The following ANO1 variants were observed in gnomAD, a reference collection of about 807,000 sequenced individuals.
ANO1 encodes the protein anoctamin-1.
Under a neutral mutation model 124.0 loss-of-function variants are expected in ANO1, and 59 were observed. That is an observed-to-expected ratio of 0.48 (90% CI 0.39 to 0.59). ANO1 has a LOEUF of 0.59. Ranked by LOEUF, ANO1 falls within the 20% of genes least tolerant of loss-of-function variation. The pLI, the probability that ANO1 is intolerant of heterozygous loss-of-function variation, is 0.00. For synonymous variants in ANO1, 529 were observed against 532.0 expected, an observed-to-expected ratio of 0.99 and a Z score of 0.08; for missense variants, 1,059 against 1,328.0, an observed-to-expected ratio of 0.80 and a Z score of 3.15.
chr11:70,128,013 GT>G lies in ANO1; in HGVS notation c.1097+1821del, dbSNP rs1303772557. ...CAAGTATCTCTAAAGCAGAGGTATA[GT>G]TTAGAAAATGTATCCACTGAGCCTG... On this transcript the variant is annotated intron_variant, in intron 10 of 25. Coordinates refer to ENST00000355303, the MANE Select transcript of ANO1 (RefSeq NM_018043.7). Among the ~76,000 whole-genome samples the G allele has an allele frequency of 3.3e-5, 5 of 152,304 alleles. No homozygotes were observed. The East Asian group carries it at 9.6e-4, about 29-fold the overall frequency.
intron 2 of ANO1, among the ~76,000 whole-genome samples, chr11:70,099,969 C>A (rs151021122): frequency 2.0e-5 from 3 of 152,288 alleles, no homozygotes; most frequent in Non-Finnish European, 2.9e-5. Flanking sequence ...CCTGGCACTG[C>A]CTCCTCCAGT....
intron 22 of ANO1, among the ~76,000 whole-genome samples, chr11:70,179,538 A>C (rs1199037518): frequency 6.6e-6 from 1 of 152,198 alleles, no homozygotes; most frequent in African/African-American, 2.4e-5. Context: ...TTCAACCTTC[A>C]CTGCTGTGGA....
intron 6 of ANO1, chr11:70,111,125 G>C (rs1210054351): frequency 1.5e-5 from 7 of 456,782 alleles, no homozygotes; most frequent in Middle Eastern, 3.3e-4. Context: ...TGTATAAACA[G>C]GGCAAGGCGA....
chr11:70,073,419 G>A (rs1040959546), upstream of ANO1, among the ~76,000 whole-genome samples: 7 of 152,308 alleles, frequency 4.6e-5, no homozygotes, highest in South Asian at 4.1e-4. Context: ...CCCTAACCGC[G>A]CGACTTAACA....
At chr11:70,091,592 T>C (rs1012041247) in intron 2 of ANO1, among the ~76,000 whole-genome samples, 8 of 151,896 alleles carry the variant, frequency 5.3e-5, no homozygotes, top group Non-Finnish European at 1.0e-4. Context: ...GAAGAGGACA[T>C]GGAGGGAGAG....
chr11:70,161,846 C>A, intron 18 of ANO1, 113 bp downstream of exon 18: 1 of 983,658 alleles, frequency 1.0e-6, no homozygotes, highest in South Asian at 1.4e-5. Context: ...GACACCGTGG[C>A]ACCCGCAGCC....
intron 1 of ANO1, among the ~76,000 whole-genome samples, chr11:70,083,863 GTGGGTAGA>G (rs2044275310): frequency 6.6e-6 from 1 of 152,238 alleles, no homozygotes; most frequent in Admixed American, 6.5e-5. Flanking sequence ...TTAAGAACTT[GTGGGTAGA>G]TGGCTCAGAG....
chr11:70,046,146 T>C (rs1857256883), intron 1 of ANO1, among the ~76,000 whole-genome samples: 1 of 152,150 alleles, frequency 6.6e-6, no homozygotes, highest in Admixed American at 6.5e-5. Context: ...GTTGAGCTCA[T>C]TGGGTTCAGC....
intron 1 of ANO1, among the ~76,000 whole-genome samples, chr11:69,997,612 C>T (rs1205993716): frequency 6.6e-6 from 1 of 152,200 alleles, no homozygotes; most frequent in Non-Finnish European, 1.5e-5. Context: ...GTGTCCCGCC[C>T]AAATCTCACG....
chr11:70,161,761 C>A, intron 18 of ANO1, 28 bp downstream of exon 18: 7 of 1,603,350 alleles, frequency 4.4e-6, no homozygotes, highest in South Asian at 1.1e-5. Flanking sequence ...CTTTCCCCAA[C>A]CTCGCTTCTC....
chr11:70,189,305 G>A lies in ANO1; in HGVS notation c.*1301G>A, dbSNP rs1288587898. On this transcript the variant is annotated 3_prime_UTR_variant, in exon 26 of 26. Transcript: ENST00000355303. Reference sequence around the variant, plus strand: ...CTGCCAACTGTGGTCAAAGTTCATAGGTGTCGTACATTTCCATTATTTGCT... The same window carrying A: ...CTGCCAACTGTGGTCAAAGTTCATAAGTGTCGTACATTTCCATTATTTGCT... 6.6e-6 allele frequency: 1 copy of A among 152,574 alleles called. No individual in the cohort carries two copies. Among genetic ancestry groups the A allele is most frequent in the African/African-American group, 2.4e-5 (1 of 41,416 alleles). 9.5% of individuals were successfully genotyped at this position (152,574 alleles called of 1,614,324 possible).
At chr11:69,969,537 C>G in the ANO1 span, among the ~76,000 whole-genome samples, 3 of 152,308 alleles carry the variant, frequency 2.0e-5, no homozygotes, top group East Asian at 5.8e-4. Context: ...TCTCTTTAGA[C>G]TAGGAACCTG....
intron 1 of ANO1, chr11:70,064,955 C>G (rs1857681719): frequency 6.6e-6 from 1 of 152,388 alleles, no homozygotes; most frequent in South Asian, 2.1e-4. Flanking sequence ...CACACACAAG[C>G]TGCCACCCCC....
the ANO1 span, among the ~76,000 whole-genome samples, chr11:69,978,644 C>T: frequency 1.3e-5 from 2 of 152,194 alleles, no homozygotes; most frequent in South Asian, 2.1e-4. Flanking sequence ...AGCTACCGCA[C>T]CCTGCCCAGG....
At chr11:70,030,617 T>C (rs782679146) in intron 1 of ANO1, among the ~76,000 whole-genome samples, 43 of 152,320 alleles carry the variant, frequency 2.8e-4, no homozygotes, top group African/African-American at 8.2e-4. Context: ...TGCCATGTCC[T>C]CTCTGTCATC....
At position 70,101,217 on chromosome 11, in the gene ANO1, G is replaced by A. The variant is rs115997747; in HGVS notation, c.442-1849G>A. Among the ~76,000 whole-genome samples, 303 of 151,742 alleles carry A rather than the reference G, an allele frequency of 2.0e-3. 2 individuals carry two copies. Among genetic ancestry groups the A allele is most frequent in the African/African-American group, 6.8e-3 (281 of 41,386 alleles). On this transcript the variant is annotated intron_variant, in intron 2 of 25. Transcript: ENST00000355303. The stretch of plus-strand genomic sequence containing the variant: ...AAGCTTTGCCCAGGTCCCTGGGACC[G>A]TCGCGTTCACAGGCTTCCACCGAGG...
chr11:70,145,577 C>T (rs969788132), intron 11 of ANO1, among the ~76,000 whole-genome samples: 1 of 151,898 alleles, frequency 6.6e-6, no homozygotes, highest in African/African-American at 2.4e-5. Context: ...GGCCAATCTA[C>T]AGACACCTCC....
chr11:70,077,039 C>T (rs1246477249), upstream of ANO1, among the ~76,000 whole-genome samples: 3 of 152,240 alleles, frequency 2.0e-5, no homozygotes, highest in African/African-American at 7.2e-5. Flanking sequence ...AGCTAGACCC[C>T]ACCCCTTCTC....
chr11:70,011,172 T>A (rs35144054), intron 1 of ANO1, among the ~76,000 whole-genome samples: 36,067 of 151,716 alleles, frequency 0.24, 4,429 homozygotes, highest in South Asian at 0.29. Flanking sequence ...GCAGGAAGGG[T>A]GTCGAGGCAG....
Sources: allele counts gnomAD v4.1 joint callset (sites outside exome capture counted in the v4.1 genomes callset), GRCh38; gene constraint gnomAD v4.1.1; transcripts MANE v1.5; gene names NCBI Gene and HGNC (gene_info 2026-07-23, HGNC 2026-07-21).